Variants in TSPAN17 observed in about 807,000 individuals in gnomAD.
TSPAN17 encodes the protein tetraspanin-17.
A neutral mutation model predicts 40.5 loss-of-function variants in TSPAN17; 33 were observed. The observed-to-expected ratio is 0.81, with a 90% CI of 0.62 to 1.09. The LOEUF (loss-of-function observed/expected upper bound fraction) is 1.09. Ranked by LOEUF, TSPAN17 falls within the 50% of genes least tolerant of loss-of-function variation. TSPAN17 has a pLI of 0.00. For synonymous variants in TSPAN17, 166 were observed against 169.4 expected, an observed-to-expected ratio of 0.98 and a Z score of 0.15; for missense variants, 365 against 416.8, an observed-to-expected ratio of 0.88 and a Z score of 1.08.
chr5:176,655,172 G>T, intron 5 of TSPAN17, 152 bp downstream of exon 5: 1 of 1,005,136 alleles, frequency 9.9e-7, no homozygotes, highest in Non-Finnish European at 1.4e-6. Flanking sequence ...GGCCTGTTGG[G>T]GCGCGGCTGC....
chr5:176,653,278 C>G (rs1761038492), intron 4 of TSPAN17: 1 of 200,732 alleles, frequency 5.0e-6, no homozygotes, highest in Admixed American at 5.2e-5. Context: ...TGCTGCTGCC[C>G]CTTCACTGGT....
In TSPAN17 at chr5:176,651,575, G is replaced by A; in HGVS notation, c.88-41G>A. ...GAAGGATGAGGGGGGAGGGTCCTGG[G>A]GCTGCTCCCAGCCCTGAGCTCTTTG... On this transcript the variant is annotated intron_variant, in intron 1 of 8. Coordinates refer to ENST00000508164, the MANE Select transcript of TSPAN17 (RefSeq NM_130465.5). The surrounding 1 kb of genome is among the most constrained non-coding windows in gnomAD (Gnocchi z 4.5). 1 of 1,590,946 alleles carries A rather than the reference G, an allele frequency of 6.3e-7. No homozygotes were observed. Among genetic ancestry groups the A allele is most frequent in the East Asian group, 2.3e-5 (1 of 44,298 alleles).
At position 176,651,276 on chromosome 5, in the gene TSPAN17, G is replaced by C. The variant is rs984469838; in HGVS notation, c.88-340G>C. Among the ~76,000 whole-genome samples, 1 of 151,894 alleles carries C rather than the reference G, an allele frequency of 6.6e-6. No homozygotes were observed. The highest frequency in any genetic ancestry group is 2.4e-5 in the African/African-American group (1 of 41,306). On this transcript the variant is annotated intron_variant, in intron 1 of 8. Transcript: ENST00000508164. The surrounding 1 kb of genome is among the most constrained non-coding windows in gnomAD (Gnocchi z 4.5). ...AGCACCAGCTTCGGTCAGGTGTAGA[G>C]GCTCAGTATACTGGCGCCGTCGCTA...
Position 176,657,770 on chromosome 5 carries a change from G to C in TSPAN17, c.*72G>C. The C allele has an allele frequency of 6.6e-7, 1 of 1,519,902 alleles. No individual in the cohort carries two copies. Among genetic ancestry groups the C allele is most frequent in the African/African-American group, 1.4e-5 (1 of 71,804 alleles). 94.2% of individuals were successfully genotyped at this position (1,519,902 alleles called of 1,614,324 possible). ...ACCTGGCTACGCCGGCTCTTCGGTG[G>C]CAACACTACCTGGGACACTGCCTCC... is the stretch of plus-strand genomic sequence containing the variant. On this transcript the variant is annotated 3_prime_UTR_variant, in exon 9 of 9. Coordinates refer to ENST00000508164, the MANE Select transcript of TSPAN17 (RefSeq NM_130465.5).
intron 1 of TSPAN17, among the ~76,000 whole-genome samples, chr5:176,648,104 G>A (rs917483312): frequency 6.6e-6 from 1 of 152,182 alleles, no homozygotes; most frequent in African/African-American, 2.4e-5. Flanking sequence ...AGATTCTGGC[G>A]TGAAGGGAGC....
chr5:176,652,972 A>T (rs1761028716), intron 4 of TSPAN17, 59 bp downstream of exon 4: 5 of 1,577,782 alleles, frequency 3.2e-6, no homozygotes, highest in Admixed American at 1.7e-5. Context: ...CAGACGAATG[A>T]GGGAGCAAGT....
intron 5 of TSPAN17, 46 bp from the exon 6 acceptor site, chr5:176,656,032 T>C: frequency 6.3e-7 from 1 of 1,586,426 alleles, no homozygotes; most frequent in Non-Finnish European, 8.7e-7. Context: ...ATGGACCCCA[T>C]GGGATGCGTC....
At chr5:176,656,996 G>A (rs4868677) in intron 8 of TSPAN17, 40 bp downstream of exon 8, 1,138,594 of 1,601,642 alleles carry the variant, frequency 0.71, 409,312 homozygotes, top group Admixed American at 0.79. Context: ...CCTGGCCTAC[G>A]CAGGCCTCTG....
rs1379443924 is a variant in TSPAN17 at position 176,654,856 on chromosome 5, T to G, written c.457-39T>G. 1 of 1,609,750 alleles carries G rather than the reference T, an allele frequency of 6.2e-7. No individual in the cohort carries two copies. Among genetic ancestry groups the G allele is most frequent in the Non-Finnish European group, 8.5e-7 (1 of 1,177,948 alleles). On this transcript the variant is annotated intron_variant, in intron 4 of 8. Coordinates refer to ENST00000508164, the MANE Select transcript of TSPAN17 (RefSeq NM_130465.5). This position sits in a 1 kb window ranked among gnomAD's most constrained non-coding sequence, Gnocchi z 4.3. ...CCCAAACAGGGTGAGGCTCCTGGGA[T>G]GGGCCTGGCTCACCTGGGGCTCTCC...
rs1019362758 is a variant in TSPAN17 at position 176,655,021 on chromosome 5, G to A, written c.582+1G>A. On this transcript the variant is annotated splice_donor_variant, in intron 5 of 8. Coordinates refer to ENST00000508164, the MANE Select transcript of TSPAN17 (RefSeq NM_130465.5). LOFTEE classifies it high-confidence loss of function. ...CTCCTGCTGCGTCAGGGACCCTGCG[G>A]TGAGTGGGGCTGGGGGAGGAGAGGT... 7 of 1,602,252 alleles carry A rather than the reference G, an allele frequency of 4.4e-6. No homozygotes were observed. The African/African-American group carries it at 8.0e-5, about 18-fold the overall frequency.
intron 5 of TSPAN17, 127 bp downstream of exon 5, chr5:176,655,147 C>A: frequency 8.0e-7 from 1 of 1,256,436 alleles, no homozygotes; most frequent in Non-Finnish European, 1.1e-6. Flanking sequence ...CGTCATTTTA[C>A]ATGGGTGGCA....
rs1261744106 is a variant in TSPAN17 at position 176,657,102 on chromosome 5, G to A, written c.809+146G>A. On this transcript the variant is annotated intron_variant, in intron 8 of 8. Coordinates refer to ENST00000508164, the MANE Select transcript of TSPAN17 (RefSeq NM_130465.5). ...GAGCCTTGAGGGGTTCGCCTGAACCGCTGTGCTGTCCACCCACGGAGGAAG... is the reference window on the plus strand; with the variant it reads ...GAGCCTTGAGGGGTTCGCCTGAACCACTGTGCTGTCCACCCACGGAGGAAG... The A allele has an allele frequency of 4.6e-5, 39 of 853,930 alleles. No individual in the cohort carries two copies. In the Admixed American group the frequency reaches 6.0e-4, roughly 13 times the overall value. 52.9% of individuals were successfully genotyped at this position (853,930 alleles called of 1,614,324 possible). A position where few individuals can be genotyped will look rare whatever the true frequency, so the allele number is the denominator to read the frequency against.
intron 5 of TSPAN17, 83 bp from the exon 6 acceptor site, chr5:176,655,995 G>A: frequency 7.4e-7 from 1 of 1,351,620 alleles, no homozygotes; most frequent in Non-Finnish European, 1.1e-6. Flanking sequence ...CTCTGAGAAG[G>A]AAAAGCCACC....
At chr5:176,655,185 T>A (rs944227328) in intron 5 of TSPAN17, among the ~76,000 whole-genome samples, 165 bp downstream of exon 5, 4 of 152,170 alleles carry the variant, frequency 2.6e-5, no homozygotes, top group African/African-American at 9.7e-5. Context: ...GCGGCTGCTT[T>A]CCCTGTTCAG....
intron 4 of TSPAN17, chr5:176,653,317 C>T (rs1316530567): frequency 5.7e-6 from 1 of 174,526 alleles, no homozygotes. Context: ...CCATTGTTCC[C>T]AACACTCTGT....
rs1266943262 is a variant in TSPAN17, at chr5:176,651,654, CTGG to C, written c.127_129del (p.Trp43del). The C allele has an allele frequency of 6.2e-7, 1 of 1,613,878 alleles. No individual in the cohort carries two copies. Among genetic ancestry groups the C allele is most frequent in the Non-Finnish European group, 8.5e-7 (1 of 1,179,924 alleles). On this transcript the variant is annotated inframe_deletion, in exon 2 of 9. Coordinates refer to ENST00000508164, the MANE Select transcript of TSPAN17 (RefSeq NM_130465.5). This position sits in a 1 kb window ranked among gnomAD's most constrained non-coding sequence, Gnocchi z 4.5. ...TGTTCCTGGCTATCGGCCTCTGGGC[CTGG>C]GGTGAGAAGGTAAGGCAGCGGGCGG...
intron 8 of TSPAN17, 196 bp downstream of exon 8, chr5:176,657,152 T>C (rs1001076636): frequency 6.2e-6 from 4 of 647,508 alleles, no homozygotes; most frequent in African/African-American, 1.8e-5. Flanking sequence ...CCTGGGCCTC[T>C]TGTCCCATAT....
At chr5:176,656,173 GT>G (rs1561588377) in intron 6 of TSPAN17, 48 bp downstream of exon 6, 10 of 1,605,000 alleles carry the variant, frequency 6.2e-6, no homozygotes, top group Non-Finnish European at 8.5e-6. Flanking sequence ...GGGGTACTGG[GT>G]TGGGTATGAG....
In TSPAN17 at chr5:176,657,644, T is replaced by C; in HGVS notation, c.936T>C (p.His312=). The C allele has an allele frequency of 6.2e-7, 1 of 1,611,068 alleles. No individual in the cohort carries two copies. The highest frequency in any genetic ancestry group is 1.1e-5 in the South Asian group (1 of 90,606). The change falls in exon 9 of 9, where the codon CAT becomes CAC. Residue 312 remains histidine, a synonymous_variant. Coordinates refer to ENST00000508164, the MANE Select transcript of TSPAN17 (RefSeq NM_130465.5). The part of the protein sequence containing the change: ...GAPGPAPPSR[H]VFFGLGGLYP... ...CTGGCCCGGCCCCACCCAGCCGACA[T>C]GTTTTCTTTGGCCTGGGTGGTTTAT...
Sources: gnomAD v4.1 joint callset for allele counts (sites outside exome capture counted in the v4.1 genomes callset) on GRCh38, gnomAD v4.1.1 for gene constraint, Gnocchi (gnomAD v3.1) non-coding constraint, MANE v1.5 for transcripts, NCBI Gene and HGNC (gene_info 2026-07-23, HGNC 2026-07-21) for gene names.